The following LMTK2 variants were observed in gnomAD, a reference collection of about 807,000 sequenced individuals.
LMTK2 encodes serine/threonine-protein kinase LMTK2.
In LMTK2, 37 loss-of-function variants were observed where a neutral mutation model predicts 127.5. The observed-to-expected ratio is 0.29, with a 90% CI of 0.22 to 0.38. LMTK2 has a LOEUF of 0.38. Among genes scored for constraint, LMTK2 ranks in the 10% least tolerant of loss-of-function variants. The pLI is 1.00. For missense variants in LMTK2, 1,694 were observed against 1,920.3 expected (o/e 0.88, Z 2.20); for synonymous variants, 819 against 810.1 (o/e 1.01, Z -0.19).
Position 98,192,862 on chromosome 7 carries a change from A to G in LMTK2, c.2397A>G (p.Thr799=). Residue 799 remains threonine, a synonymous_variant, in exon 11 of 14, where the codon ACA becomes ACG. Transcript: ENST00000297293. ...GTGACGATACAGATGTCATGCTCAC[A>G]GGTGACACTTTGAGCACCTCATTGC... The part of the protein sequence containing the change: ...TKGDDTDVML[T]GDTLSTSLQS... The G allele has an allele frequency of 6.2e-7, 1 of 1,614,124 alleles. No homozygotes were observed. Among genetic ancestry groups the G allele is most frequent in the Non-Finnish European group, 8.5e-7 (1 of 1,179,970 alleles).
intron 1 of LMTK2, among the ~76,000 whole-genome samples, chr7:98,124,341 C>G (rs1290787275): frequency 1.3e-5 from 2 of 152,176 alleles, no homozygotes; most frequent in African/African-American, 4.8e-5. Flanking sequence ...CTTCAGTGCT[C>G]CGTTTCTTCA....
rs199873309 is a variant in LMTK2, at chr7:98,188,268, GT to G, written c.998+1271del. On this transcript the variant is annotated intron_variant, in intron 9 of 13. Transcript: ENST00000297293. ...TTCTTCCTTTTTCTTTCCCCCTTGT[GT>G]ATCTGCTCTACCTAGTGTATCGTGA... Among the ~76,000 whole-genome samples the G allele has an allele frequency of 6.7e-3, 1,020 of 151,818 alleles. 10 individuals carry two copies. Among genetic ancestry groups the G allele is most frequent in the Middle Eastern group, 0.027 (8 of 294 alleles).
chr7:98,185,881 C>T (rs900202374), intron 8 of LMTK2, among the ~76,000 whole-genome samples: 1 of 152,010 alleles, frequency 6.6e-6, no homozygotes, highest in African/African-American at 2.4e-5. Flanking sequence ...GCTTTCTGAG[C>T]AGCAACATAC....
chr7:98,185,223 A>C, intron 8 of LMTK2, 88 bp downstream of exon 8: 1 of 904,500 alleles, frequency 1.1e-6, no homozygotes, highest in Non-Finnish European at 1.8e-6. Flanking sequence ...TTTGTATAAG[A>C]ATCTTAGTCG....
intron 7 of LMTK2, among the ~76,000 whole-genome samples, chr7:98,179,614 T>C (rs1797325196): frequency 9.9e-6 from 1 of 101,392 alleles, no homozygotes; most frequent in African/African-American, 3.7e-5. Flanking sequence ...TCCCTCCCTT[T>C]CTCCCTCCCT....
rs1253690333 is a variant in LMTK2 at position 98,193,228 on chromosome 7, G to A, written c.2763G>A (p.Leu921=). ...RVSVGSSLPE[L]GQELHNKPFS... Reference sequence around the variant, plus strand: ...GTGTAGGGAGTAGTCTCCCGGAACTGGGACAGGAATTGCACAATAAACCAT... The same window carrying A: ...GTGTAGGGAGTAGTCTCCCGGAACTAGGACAGGAATTGCACAATAAACCAT... The change falls in exon 11 of 14, where the codon CTG becomes CTA. Residue 921 remains leucine (L), a synonymous_variant. Transcript: ENST00000297293. This position sits in a 1 kb window ranked among gnomAD's most constrained non-coding sequence, Gnocchi z 4.1. 1 of 1,613,678 alleles carries A rather than the reference G, an allele frequency of 6.2e-7. No individual in the cohort carries two copies. Among genetic ancestry groups the A allele is most frequent in the African/African-American group, 1.3e-5 (1 of 74,940 alleles).
chr7:98,174,882 T>A (rs892710681), intron 7 of LMTK2, among the ~76,000 whole-genome samples: 4 of 152,184 alleles, frequency 2.6e-5, no homozygotes, highest in African/African-American at 7.2e-5. Flanking sequence ...CAAAGCAAAG[T>A]GCACACCTGT....
intron 4 of LMTK2, among the ~76,000 whole-genome samples, chr7:98,153,607 C>T (rs1796887663): frequency 6.6e-6 from 1 of 152,168 alleles, no homozygotes; most frequent in South Asian, 2.1e-4. Flanking sequence ...CGCGGTAGCT[C>T]ACGCCTGTAA....
chr7:98,142,793 A>G (rs1357138153), intron 3 of LMTK2, among the ~76,000 whole-genome samples: 1 of 152,224 alleles, frequency 6.6e-6, no homozygotes, highest in Non-Finnish European at 1.5e-5. Context: ...CTGGAACATC[A>G]TCAGCATTTT....
intron 7 of LMTK2, among the ~76,000 whole-genome samples, chr7:98,182,576 A>G (rs1389374730): frequency 1.3e-5 from 2 of 152,254 alleles, no homozygotes; most frequent in Non-Finnish European, 2.9e-5. Flanking sequence ...TCAACATCAA[A>G]CAATAATATG....
At chr7:98,129,331 C>T (rs922089242) in intron 1 of LMTK2, among the ~76,000 whole-genome samples, 4 of 151,292 alleles carry the variant, frequency 2.6e-5, no homozygotes, top group South Asian at 2.1e-4. Context: ...CATGAGCCGC[C>T]GTACCTGGCC....
intron 8 of LMTK2, 38 bp from the exon 9 acceptor site, chr7:98,186,839 A>T: frequency 6.3e-7 from 1 of 1,587,140 alleles, no homozygotes; most frequent in Non-Finnish European, 8.6e-7. Flanking sequence ...CAAAAGTATA[A>T]TTCTATTCAA....
chr7:98,183,388 G>A (rs1035938892), intron 7 of LMTK2, among the ~76,000 whole-genome samples: 1 of 152,076 alleles, frequency 6.6e-6, no homozygotes, highest in Non-Finnish European at 1.5e-5. Context: ...AATTTCAGGT[G>A]TGTATTTTTT....
chr7:98,108,087 C>A (rs1281607869), intron 1 of LMTK2, among the ~76,000 whole-genome samples: 1 of 152,118 alleles, frequency 6.6e-6, no homozygotes, highest in Non-Finnish European at 1.5e-5. Flanking sequence ...GCCGCCATTA[C>A]CTTTGAAATG....
At chr7:98,173,392 G>A (rs1377319320) in intron 7 of LMTK2, among the ~76,000 whole-genome samples, 5 of 151,658 alleles carry the variant, frequency 3.3e-5, no homozygotes, top group South Asian at 2.1e-4. Flanking sequence ...TAAAGATTTC[G>A]TAATGGAGAA....
chr7:98,177,981 T>C (rs1345599740), intron 7 of LMTK2, among the ~76,000 whole-genome samples: 1 of 152,094 alleles, frequency 6.6e-6, no homozygotes, highest in African/African-American at 2.4e-5. Context: ...GCTGCCAGAG[T>C]CAGAATGACG....
At chr7:98,185,998 C>G (rs950747272) in intron 8 of LMTK2, among the ~76,000 whole-genome samples, 6 of 151,774 alleles carry the variant, frequency 4.0e-5, no homozygotes, top group Non-Finnish European at 8.8e-5. Flanking sequence ...CATAGTAGCT[C>G]TAGTGTCTCG....
Position 98,193,750 on chromosome 7 carries a change from C to G in LMTK2, c.3285C>G (p.Gly1095=). 1 of 1,613,980 alleles carries G rather than the reference C, an allele frequency of 6.2e-7. No homozygotes were observed. Among genetic ancestry groups the G allele is most frequent in the Non-Finnish European group, 8.5e-7 (1 of 1,180,032 alleles). ...TEVTPETFTA[G]SQGSYRDSAY... ...TGACCCCTGAGACGTTCACAGCTGGCTCCCAGGGTTCATACCGAGACTCTG... is the reference window on the plus strand; with the variant it reads ...TGACCCCTGAGACGTTCACAGCTGGGTCCCAGGGTTCATACCGAGACTCTG... The change falls in exon 11 of 14, where the codon GGC becomes GGG. Residue 1095 remains glycine (G), a synonymous_variant. Transcript: ENST00000297293. This position sits in a 1 kb window ranked among gnomAD's most constrained non-coding sequence, Gnocchi z 4.1.
chr7:98,167,084 C>T lies in LMTK2; in HGVS notation c.658-4457C>T, dbSNP rs115751424. ...AAAAATGTGAAATTTCAGATTTACTCCTAAGTTCATTCTTATTAGATTATT... is the reference window on the plus strand; with the variant it reads ...AAAAATGTGAAATTTCAGATTTACTTCTAAGTTCATTCTTATTAGATTATT... On this transcript the variant is annotated intron_variant, in intron 6 of 13. Coordinates refer to ENST00000297293, the MANE Select transcript of LMTK2 (RefSeq NM_014916.4). 6.8e-3 allele frequency among the ~76,000 whole-genome samples: 1,028 copies of T among 152,210 alleles called. 10 individuals are homozygous for T. The highest frequency in any genetic ancestry group is 0.027 in the Middle Eastern group (8 of 294).
Sources: gnomAD v4.1 joint callset for allele counts (sites outside exome capture counted in the v4.1 genomes callset) on GRCh38, gnomAD v4.1.1 for gene constraint, Gnocchi (gnomAD v3.1) non-coding constraint, MANE v1.5 for transcripts, NCBI Gene and HGNC (gene_info 2026-07-23, HGNC 2026-07-21) for gene names.